Variants in GUCY2F observed in about 807,000 individuals in gnomAD.
GUCY2F encodes retinal guanylyl cyclase 2.
In GUCY2F, 61 loss-of-function variants were observed where a neutral mutation model predicts 73.1. The ratio of observed to expected loss-of-function variants is 0.83; its 90% CI spans 0.68 to 1.03. GUCY2F has a LOEUF of 1.03. Among genes scored for constraint, GUCY2F ranks in the 50% least tolerant of loss-of-function variants. The probability of loss-of-function intolerance (pLI) is 0.00; values close to 1 mark genes in which losing one functional copy is unlikely to be tolerated. For missense variants in GUCY2F, 912 were observed against 854.3 expected (o/e 1.07, Z -0.84); for synonymous variants, 331 against 307.8 (o/e 1.08, Z -0.79).
chrX:109,475,192 G>A lies in GUCY2F; in HGVS notation c.730+15C>T. ...CTGAAGTCACGTTTAAATTTCAGCG[G>A]GAGAAAGCACTCACTGCGAATTCTG... On this transcript the variant is annotated intron_variant, in intron 2 of 19. Coordinates refer to ENST00000218006, the MANE Select transcript of GUCY2F (RefSeq NM_001522.3). The A allele has an allele frequency of 8.4e-7, 1 of 1,187,289 alleles. No individual in the cohort carries two copies. Among genetic ancestry groups the A allele is most frequent in the Non-Finnish European group, 1.1e-6 (1 of 881,927 alleles).
At chrX:109,391,465 A>G (rs1256171757) in intron 14 of GUCY2F, among the ~76,000 whole-genome samples, 1 of 94,245 alleles carries the variant, frequency 1.1e-5, no homozygotes, top group Non-Finnish European at 2.2e-5. Context: ...CCAAATTTTT[A>G]TAGCATGTAT....
At chrX:109,375,799 C>A in intron 19 of GUCY2F, 99 bp downstream of exon 19, 1 of 613,270 alleles carries the variant, frequency 1.6e-6, no homozygotes, top group Non-Finnish European at 2.8e-6. Context: ...TCACACTATG[C>A]CAACAGAGTA....
chrX:109,376,410 C>G (rs1262474551), intron 17 of GUCY2F, among the ~76,000 whole-genome samples: 1 of 111,920 alleles, frequency 8.9e-6, no homozygotes, highest in East Asian at 2.8e-4. Context: ...TGACAGCAAC[C>G]AAATGTCTGG....
chrX:109,478,642 T>C (rs1932741802), intron 1 of GUCY2F, among the ~76,000 whole-genome samples: 1 of 112,274 alleles, frequency 8.9e-6, no homozygotes, highest in Non-Finnish European at 1.9e-5. Context: ...ACTGAGTTCT[T>C]GCTGTGTGTC....
chrX:109,441,622 C>A, intron 6 of GUCY2F, 140 bp from the exon 7 acceptor site: 2 of 400,479 alleles, frequency 5.0e-6, no homozygotes, highest in African/African-American at 2.5e-5. Flanking sequence ...TTCATTTTCC[C>A]TATCCTTCTG....
chrX:109,389,876 C>T (rs1480929327), intron 14 of GUCY2F, among the ~76,000 whole-genome samples: 2 of 111,376 alleles, frequency 1.8e-5, no homozygotes, highest in African/African-American at 6.5e-5. Context: ...GGCTCCTCAT[C>T]ATGAATTACT....
rs1386334727 is a variant in GUCY2F, at chrX:109,475,710, G to A, written c.227C>T (p.Ala76Val). The A allele has an allele frequency of 8.3e-7, 1 of 1,211,023 alleles. No individual in the cohort carries two copies. Among genetic ancestry groups the A allele is most frequent in the Admixed American group, 2.2e-5 (1 of 46,016 alleles). The change falls in exon 2 of 20, where the codon GCG becomes GTG. Residue 76 changes from alanine to valine, a missense_variant. Physicochemically the swap from Ala to Val is moderately conservative, Grantham distance 64 (BLOSUM62 0). Transcript: ENST00000218006. ...GTTGATTCGCTCAATGGCTAATCGC[G>A]CAGCAACCTCAGGCAGGGCCTTTGA... is the stretch of plus-strand genomic sequence containing the variant. ...LFSKALPEVA[A>V]RLAIERINRD...
At chrX:109,444,416 C>T (rs1451984533) in intron 6 of GUCY2F, among the ~76,000 whole-genome samples, 1 of 111,930 alleles carries the variant, frequency 8.9e-6, no homozygotes, top group Non-Finnish European at 1.9e-5. Context: ...ACAATTAATT[C>T]TCAAATCTGG....
At chrX:109,449,832 A>G (rs1324542319) in intron 5 of GUCY2F, among the ~76,000 whole-genome samples, 1 of 111,820 alleles carries the variant, frequency 8.9e-6, no homozygotes, top group Admixed American at 9.5e-5. Flanking sequence ...ATCTGGTTCC[A>G]GAGGAGTAGA....
rs1251941975 is a variant in GUCY2F at position 109,475,663 on chromosome X, T to A, written c.274A>T (p.Ser92Cys). The A allele has an allele frequency of 2.5e-6, 3 of 1,208,726 alleles. No individual in the cohort carries two copies. The African/African-American group carries it at 5.3e-5, about 21-fold the overall frequency. ...AGAATCACGTATTCAAAAGAATAACTCAGGTCAAAAGATGGGTCCCGGTTG... is the reference window on the plus strand; with the variant it reads ...AGAATCACGTATTCAAAAGAATAACACAGGTCAAAAGATGGGTCCCGGTTG... ...RINRDPSFDLSYSFEYVILNE... is the reference protein window; with the variant it reads ...RINRDPSFDLCYSFEYVILNE... The change falls in exon 2 of 20, where the codon AGT becomes TGT. Residue 92 changes from serine to cysteine, a missense_variant. Transcript: ENST00000218006.
intron 19 of GUCY2F, among the ~76,000 whole-genome samples, chrX:109,373,839 G>A (rs761566784): frequency 1.3e-4 from 15 of 112,792 alleles, no homozygotes; most frequent in African/African-American, 3.5e-4. Flanking sequence ...ACAAAAACCA[G>A]GTTTGAGAAG....
chrX:109,429,681 A>G (rs12837803), intron 8 of GUCY2F, among the ~76,000 whole-genome samples: 2 of 112,048 alleles, frequency 1.8e-5, no homozygotes, highest in African/African-American at 6.5e-5. Flanking sequence ...GATAGTATTC[A>G]CAAGTCTTGT....
In GUCY2F at chrX:109,475,422, G is replaced by C; in HGVS notation, c.515C>G (p.Pro172Arg). Residue 172 changes from proline (P) to arginine (R), a missense_variant, in exon 2 of 20, where the codon CCC becomes CGC. Transcript: ENST00000218006. ...YPTFSRTLPS[P>R]IRVLVTVMKY... Reference sequence around the variant, plus strand: ...CATGACAGTTACAAGCACCCGGATGGGAGAAGGGAGTGTCCGAGAAAAGGT... The same window carrying C: ...CATGACAGTTACAAGCACCCGGATGCGAGAAGGGAGTGTCCGAGAAAAGGT... 1.7e-6 allele frequency: 2 copies of C among 1,210,801 alleles called. No homozygotes were observed. Among genetic ancestry groups the C allele is most frequent in the Non-Finnish European group, 2.2e-6 (2 of 894,466 alleles).
intron 11 of GUCY2F, among the ~76,000 whole-genome samples, chrX:109,395,835 T>C (rs1370831318): frequency 1.8e-5 from 2 of 111,407 alleles, no homozygotes; most frequent in African/African-American, 6.5e-5. Context: ...ATCTAAGCCT[T>C]CCAATCCCCA....
intron 3 of GUCY2F, 99 bp from the exon 4 acceptor site, chrX:109,453,958 G>T: frequency 2.2e-6 from 1 of 447,621 alleles, no homozygotes; most frequent in South Asian, 4.9e-5. Flanking sequence ...CTGCACATCT[G>T]AGTGAAGTAG....
At chrX:109,381,924 A>G (rs1603378552) in intron 17 of GUCY2F, among the ~76,000 whole-genome samples, 194 bp downstream of exon 17, 1 of 112,793 alleles carries the variant, frequency 8.9e-6, no homozygotes, top group East Asian at 2.8e-4. Context: ...TCCCCACTGT[A>G]GCCATATTTT....
chrX:109,430,366 G>T lies in GUCY2F; in HGVS notation c.1732C>A (p.Leu578Ile). Reference protein sequence around the residue: ...GDWVWLKKFSLGDFGDLKSIK... With the variant: ...GDWVWLKKFSIGDFGDLKSIK... ...GACTTAAGGTCTCCAAAATCTCCAA[G>T]GGAGAACTTTTTCAGCCACACCCAA... The change falls in exon 8 of 20, where the codon CTT (leucine) becomes ATT (isoleucine). Residue 578 changes from leucine (L) to isoleucine (I), a missense_variant. Transcript: ENST00000218006. 8.8e-7 allele frequency: 1 copy of T among 1,139,329 alleles called. No individual in the cohort carries two copies. The highest frequency in any genetic ancestry group is 1.2e-6 in the Non-Finnish European group (1 of 829,410). The allele number at this position is 1,139,329 out of a possible 1,213,427, so 93.9% of individuals were successfully genotyped here. A position where few individuals can be genotyped will look rare whatever the true frequency, so the allele number is the denominator to read the frequency against.
intron 6 of GUCY2F, among the ~76,000 whole-genome samples, chrX:109,447,108 T>A (rs1339370695): frequency 9.0e-6 from 1 of 111,654 alleles, no homozygotes; most frequent in Admixed American, 9.5e-5. Context: ...ATGGTGATCA[T>A]TAAAAAGTCA....
At chrX:109,450,271 G>C (rs1319645789) in intron 5 of GUCY2F, among the ~76,000 whole-genome samples, 1 of 111,419 alleles carries the variant, frequency 9.0e-6, no homozygotes, top group African/African-American at 3.3e-5. Context: ...CAGCCCACAA[G>C]CTTCAAACAA....
Sources: allele counts gnomAD v4.1 joint callset (sites outside exome capture counted in the v4.1 genomes callset), GRCh38; gene constraint gnomAD v4.1.1; transcripts MANE v1.5; gene names NCBI Gene and HGNC (gene_info 2026-07-23, HGNC 2026-07-21).